The following LRRFIP1 variants were observed in gnomAD, a reference collection of about 807,000 sequenced individuals.
The protein encoded by LRRFIP1 is leucine-rich repeat flightless-interacting protein 1.
Under a neutral mutation model 104.4 loss-of-function variants are expected in LRRFIP1, and 62 were observed. The ratio of observed to expected loss-of-function variants is 0.59; its 90% confidence interval spans 0.48 to 0.73. The LOEUF (loss-of-function observed/expected upper bound fraction) is 0.73, where lower values mean the gene tolerates loss of function less well. Ranked by LOEUF, LRRFIP1 falls within the 30% of genes least tolerant of loss-of-function variation. The pLI, the probability that LRRFIP1 is intolerant of heterozygous loss-of-function variation, is 0.00. For synonymous variants in LRRFIP1, 300 were observed against 299.0 expected (o/e 1.00, Z -0.03); for missense variants, 796 against 824.5 (o/e 0.97, Z 0.42).
intron 1 of LRRFIP1, among the ~76,000 whole-genome samples, chr2:237,677,950 T>G (rs988431978): frequency 6.6e-6 from 1 of 152,228 alleles, no homozygotes; most frequent in Non-Finnish European, 1.5e-5. Context: ...AGGTTTAATA[T>G]GCTTTATATT....
chr2:237,749,171 T>C (rs1375420249), intron 12 of LRRFIP1, 28 bp from the exon 13 acceptor site: 5 of 1,608,416 alleles, frequency 3.1e-6, no homozygotes, highest in Non-Finnish European at 4.2e-6. Context: ...CTAAACCATA[T>C]CAGCATGTGA....
intron 1 of LRRFIP1, among the ~76,000 whole-genome samples, chr2:237,641,072 A>C (rs1200893478): frequency 6.6e-6 from 1 of 152,084 alleles, no homozygotes; most frequent in Non-Finnish European, 1.5e-5. Context: ...ATTCAGCTTT[A>C]ATATTCTGTT....
chr2:237,670,396 G>A (rs887279868), intron 1 of LRRFIP1, among the ~76,000 whole-genome samples: 2 of 152,196 alleles, frequency 1.3e-5, no homozygotes, highest in South Asian at 4.1e-4. Context: ...AGATGGAGGG[G>A]AAAATGTTTA....
intron 1 of LRRFIP1, among the ~76,000 whole-genome samples, chr2:237,671,139 T>C (rs2090280739): frequency 6.6e-6 from 1 of 152,232 alleles, no homozygotes; most frequent in South Asian, 2.1e-4. Context: ...CAGCTTCGAA[T>C]GACCATTACC....
At chr2:237,644,753 T>C (rs1304701224) in intron 1 of LRRFIP1, among the ~76,000 whole-genome samples, 1 of 152,240 alleles carries the variant, frequency 6.6e-6, no homozygotes, top group African/African-American at 2.4e-5. Context: ...TCAGTTCACC[T>C]TGGACTCCTC....
At chr2:237,777,176 T>G (rs2061164205) in intron 23 of LRRFIP1, among the ~76,000 whole-genome samples, 2 of 152,224 alleles carry the variant, frequency 1.3e-5, no homozygotes, top group Non-Finnish European at 2.9e-5. Flanking sequence ...TATGTACACA[T>G]GTACATCCAC....
intron 1 of LRRFIP1, among the ~76,000 whole-genome samples, chr2:237,642,198 A>G (rs917829536): frequency 6.6e-6 from 1 of 152,232 alleles, no homozygotes; most frequent in African/African-American, 2.4e-5. Flanking sequence ...ATGGGCCTTC[A>G]GGGAATCATG....
At chr2:237,640,775 T>C (rs1445139128) in intron 1 of LRRFIP1, among the ~76,000 whole-genome samples, 3 of 152,160 alleles carry the variant, frequency 2.0e-5, no homozygotes, top group Non-Finnish European at 4.4e-5. Context: ...TCAACTGATC[T>C]CCAGAAAGTA....
intron 1 of LRRFIP1, among the ~76,000 whole-genome samples, chr2:237,682,216 G>A (rs2091919194): frequency 6.6e-6 from 1 of 152,312 alleles, no homozygotes; most frequent in Admixed American, 6.5e-5. Context: ...ATCTGTGTAT[G>A]GTCAAATAGC....
chr2:237,748,318 T>A (rs1207233053), intron 11 of LRRFIP1, 46 bp from the exon 12 acceptor site: 1 of 1,368,868 alleles, frequency 7.3e-7, no homozygotes, highest in Non-Finnish European at 1.0e-6. Context: ...TGTTATCCAT[T>A]TAATGCTTTT....
Position 237,757,481 on chromosome 2 carries a change from A to G in LRRFIP1, c.1157A>G (p.Gln386Arg). 1 of 1,596,124 alleles carries G rather than the reference A, an allele frequency of 6.3e-7. No individual in the cohort carries two copies. Among genetic ancestry groups the G allele is most frequent in the Non-Finnish European group, 8.5e-7 (1 of 1,171,096 alleles). ...LEEIRQLQQK[Q>R]ASSIREISDL... is the part of the protein sequence containing the mutation. ...GAAATCCGACAGCTACAGCAGAAAC[A>G]GGCGAGTTCTATCAGGGAGATTTCT... The change falls in exon 17 of 24, where the codon CAG becomes CGG. Residue 386 changes from glutamine to arginine, a missense_variant. Physicochemically the swap from Gln to Arg is conservative, Grantham distance 43. Coordinates refer to ENST00000308482, the MANE Select transcript of LRRFIP1 (RefSeq NM_001137550.2).
At chr2:237,650,588 G>A (rs1238338162) in intron 1 of LRRFIP1, among the ~76,000 whole-genome samples, 1 of 152,232 alleles carries the variant, frequency 6.6e-6, no homozygotes, top group Non-Finnish European at 1.5e-5. Context: ...CAGCCTGGGC[G>A]GGGCTGGCTG....
chr2:237,662,016 A>C (rs138073912), intron 1 of LRRFIP1, among the ~76,000 whole-genome samples: 62 of 152,312 alleles, frequency 4.1e-4, no homozygotes, highest in African/African-American at 1.4e-3. Flanking sequence ...AAAATAACAG[A>C]ACTGTATTCT....
At chr2:237,759,349 G>T (rs755661295) in intron 18 of LRRFIP1, among the ~76,000 whole-genome samples, 1 of 152,086 alleles carries the variant, frequency 6.6e-6, no homozygotes, top group East Asian at 1.9e-4. Context: ...CACTCTGGGT[G>T]GGGGGGTTCC....
In LRRFIP1 at chr2:237,779,669, G is replaced by A. The variant is rs967447112; in HGVS notation, c.*137G>A. On this transcript the variant is annotated 3_prime_UTR_variant, in exon 24 of 24. Transcript: ENST00000308482. ...ACCGTGGCGAGCTTGGCGCTTAGGG[G>A]CTCCCGTGCCATGGCTCACCCCAGG... is the stretch of plus-strand genomic sequence containing the variant. 10 of 700,338 alleles carry A rather than the reference G, an allele frequency of 1.4e-5. No individual in the cohort carries two copies. The highest frequency in any genetic ancestry group is 2.1e-5 in the Non-Finnish European group (9 of 433,456). 43.4% of individuals were successfully genotyped at this position (700,338 alleles called of 1,614,324 possible).
rs933852312 is a variant in LRRFIP1 at position 237,703,923 on chromosome 2, G to A, written c.97-4621G>A. 2.0e-5 allele frequency among the ~76,000 whole-genome samples: 3 copies of A among 152,126 alleles called. No individual in the cohort carries two copies. The highest frequency in any genetic ancestry group is 6.5e-5 in the Admixed American group (1 of 15,280). ...TCAGAAGCTCTTCAAGCAGTCTGAC[G>A]TGGCTGTGGCCCGTCATGAGATTTT... On this transcript the variant is annotated intron_variant, in intron 1 of 23. Transcript: ENST00000308482. This position sits in a 1 kb window ranked among gnomAD's most constrained non-coding sequence, Gnocchi z 4.3.
chr2:237,747,443 C>G (rs1050552544), intron 11 of LRRFIP1, among the ~76,000 whole-genome samples: 9 of 152,232 alleles, frequency 5.9e-5, no homozygotes, highest in Admixed American at 4.6e-4. Flanking sequence ...ATCTCTCTGA[C>G]ACCCTGACCA....
chr2:237,656,776 A>G (rs2086887611), intron 1 of LRRFIP1, among the ~76,000 whole-genome samples: 1 of 152,256 alleles, frequency 6.6e-6, no homozygotes, highest in South Asian at 2.1e-4. Context: ...AGAACTAGAC[A>G]AAAATTAAAT....
intron 1 of LRRFIP1, among the ~76,000 whole-genome samples, chr2:237,677,743 G>C (rs1307945394): frequency 6.6e-6 from 1 of 152,068 alleles, no homozygotes; most frequent in Non-Finnish European, 1.5e-5. Context: ...GAAACCTCTA[G>C]CACAGCCTAC....
Sources: allele counts gnomAD v4.1 joint callset (sites outside exome capture counted in the v4.1 genomes callset), GRCh38; gene constraint gnomAD v4.1.1; non-coding constraint Gnocchi (gnomAD v3.1); transcripts MANE v1.5; gene names NCBI Gene and HGNC (gene_info 2026-07-23, HGNC 2026-07-21).